Variants in TAF1B observed in about 807,000 individuals in gnomAD.
TAF1B encodes TATA box-binding protein-associated factor RNA polymerase I subunit B.
A neutral mutation model predicts 83.9 loss-of-function variants in TAF1B; 61 were observed. That is an observed-to-expected ratio of 0.73 (90% CI 0.59 to 0.90). The LOEUF is 0.90. Among genes scored for constraint, TAF1B ranks in the 40% least tolerant of loss-of-function variants. The pLI is 0.00. For missense variants in TAF1B, 625 were observed against 677.0 expected (o/e 0.92, Z 0.85); for synonymous variants, 221 against 224.6 (o/e 0.98, Z 0.14).
At chr2:9,854,746 T>A (rs1330307168) in intron 5 of TAF1B, among the ~76,000 whole-genome samples, 1 of 152,238 alleles carries the variant, frequency 6.6e-6, no homozygotes, top group East Asian at 1.9e-4. Flanking sequence ...AATTTAATAA[T>A]GTATTTATTC....
At chr2:9,869,797 G>A (rs996535843) in intron 6 of TAF1B, among the ~76,000 whole-genome samples, 4 of 151,822 alleles carry the variant, frequency 2.6e-5, no homozygotes, top group African/African-American at 7.3e-5. Flanking sequence ...TGCTTGAACC[G>A]GGAGGCAGAG....
intron 5 of TAF1B, among the ~76,000 whole-genome samples, chr2:9,861,153 G>A (rs556969599): frequency 9.6e-4 from 146 of 152,380 alleles, no homozygotes; most frequent in South Asian, 8.5e-3. Flanking sequence ...GCGAGGCATC[G>A]CCTCACCCGG....
intron 3 of TAF1B, among the ~76,000 whole-genome samples, chr2:9,850,173 T>G (rs1663341227): frequency 6.6e-6 from 1 of 152,186 alleles, no homozygotes; most frequent in Non-Finnish European, 1.5e-5. Context: ...AAAACCTGAT[T>G]AACTTTTAAA....
In TAF1B at chr2:9,914,604, T is replaced by C. The variant is rs188476202; in HGVS notation, c.1271+1355T>C. On this transcript the variant is annotated intron_variant, in intron 12 of 14. Transcript: ENST00000263663. The surrounding 1 kb of genome is among the most constrained non-coding windows in gnomAD (Gnocchi z 4.3). ...TAGCTCTTGGAGGCCCAGTTCATTATTGCAGTGTTATGTCAGTTGCACATT... is the reference window on the plus strand; with the variant it reads ...TAGCTCTTGGAGGCCCAGTTCATTACTGCAGTGTTATGTCAGTTGCACATT... Among the ~76,000 whole-genome samples, 5 of 152,314 alleles carry C rather than the reference T, an allele frequency of 3.3e-5. No homozygotes were observed. Among genetic ancestry groups the C allele is most frequent in the African/African-American group, 9.6e-5 (4 of 41,570 alleles).
At chr2:9,861,034 G>A (rs554396231) in intron 5 of TAF1B, among the ~76,000 whole-genome samples, 2 of 152,328 alleles carry the variant, frequency 1.3e-5, no homozygotes, top group South Asian at 2.1e-4. Flanking sequence ...CGCAGAAGAC[G>A]GGTGATTTCT....
intron 7 of TAF1B, among the ~76,000 whole-genome samples, chr2:9,877,407 A>C (rs2125152022): frequency 6.6e-6 from 1 of 152,296 alleles, no homozygotes; most frequent in East Asian, 1.9e-4. Context: ...CCAGAAGCCT[A>C]GGAATCATCC....
chr2:9,859,343 A>G (rs531933895), intron 5 of TAF1B, among the ~76,000 whole-genome samples: 46 of 151,728 alleles, frequency 3.0e-4, no homozygotes, highest in African/African-American at 1.1e-3. Context: ...TCTCCATCTG[A>G]AACCACTTCA....
At chr2:9,911,284 G>A (rs539975563) in intron 10 of TAF1B, among the ~76,000 whole-genome samples, 13 of 152,222 alleles carry the variant, frequency 8.5e-5, no homozygotes, top group African/African-American at 3.1e-4. Context: ...TGTTCTCAAA[G>A]ATTATTTTAG....
intron 3 of TAF1B, among the ~76,000 whole-genome samples, chr2:9,851,172 G>A (rs992135770): frequency 7.2e-5 from 11 of 152,046 alleles, no homozygotes; most frequent in African/African-American, 2.4e-4. Flanking sequence ...GGCATTGTTC[G>A]GGAAAATAGA....
At chr2:9,866,016 A>G (rs1249989788) in intron 5 of TAF1B, among the ~76,000 whole-genome samples, 1 of 152,050 alleles carries the variant, frequency 6.6e-6, no homozygotes, top group African/African-American at 2.4e-5. Flanking sequence ...CATTCAGGAC[A>G]TAGGCATGGG....
At chr2:9,920,222 C>T (rs1665829022) in intron 14 of TAF1B, among the ~76,000 whole-genome samples, 5 of 152,152 alleles carry the variant, frequency 3.3e-5, no homozygotes, top group Admixed American at 1.3e-4. Context: ...GTACAGTTAT[C>T]AAACTCAGGA....
In TAF1B at chr2:9,853,841, G is replaced by A. The variant is rs73913905; in HGVS notation, c.304-485G>A. Among the ~76,000 whole-genome samples, 963 of 152,298 alleles carry A rather than the reference G, an allele frequency of 6.3e-3. 15 individuals carry two copies. The highest frequency in any genetic ancestry group is 0.022 in the African/African-American group (922 of 41,550). ...AACAGCTTTGCCCCTAACTAAAAGTGTAGTCATGTATCAGTTGCTTTGTAC... is the reference window on the plus strand; with the variant it reads ...AACAGCTTTGCCCCTAACTAAAAGTATAGTCATGTATCAGTTGCTTTGTAC... On this transcript the variant is annotated intron_variant, in intron 4 of 14. Transcript: ENST00000263663.
chr2:9,855,056 G>A (rs1443245710), intron 5 of TAF1B, among the ~76,000 whole-genome samples: 5 of 152,046 alleles, frequency 3.3e-5, no homozygotes, highest in Non-Finnish European at 7.4e-5. Context: ...GTGCAATGGC[G>A]CCATCTTGGC....
chr2:9,897,991 C>T (rs1205607196), intron 8 of TAF1B, among the ~76,000 whole-genome samples: 1 of 151,264 alleles, frequency 6.6e-6, no homozygotes, highest in African/African-American at 2.4e-5. Flanking sequence ...CCCCACCCCG[C>T]CCCCAGCTAC....
intron 8 of TAF1B, among the ~76,000 whole-genome samples, chr2:9,885,397 C>T (rs1283810541): frequency 1.3e-5 from 2 of 152,202 alleles, no homozygotes; most frequent in Non-Finnish European, 2.9e-5. Context: ...AATTGATCCT[C>T]CACATGAAAA....
intron 1 of TAF1B, chr2:9,844,308 C>T (rs1360894054): frequency 6.6e-6 from 1 of 152,040 alleles, no homozygotes; most frequent in Non-Finnish European, 1.5e-5. Context: ...CACCACCAAG[C>T]CCGGCTAATT....
At chr2:9,908,214 TTTTTGTATC>T (rs1665411069) in intron 9 of TAF1B, among the ~76,000 whole-genome samples, 1 of 150,132 alleles carries the variant, frequency 6.7e-6, no homozygotes, top group African/African-American at 2.5e-5. Flanking sequence ...CCTGGCTAAT[TTTTTGTATC>T]TTTAGTAGAG....
intron 4 of TAF1B, among the ~76,000 whole-genome samples, 189 bp from the exon 5 acceptor site, chr2:9,854,137 A>G (rs371939061): frequency 2.7e-4 from 41 of 152,286 alleles, no homozygotes; most frequent in East Asian, 7.7e-4. Flanking sequence ...GTGGAACTCA[A>G]TGTTCTGATA....
chr2:9,855,069 A>C (rs2125137408), intron 5 of TAF1B, among the ~76,000 whole-genome samples: 1 of 152,220 alleles, frequency 6.6e-6, no homozygotes, highest in East Asian at 1.9e-4. Context: ...ATCTTGGCTC[A>C]CTGCAACCTC....
Sources: allele counts gnomAD v4.1 joint callset (sites outside exome capture counted in the v4.1 genomes callset), GRCh38; gene constraint gnomAD v4.1.1; non-coding constraint Gnocchi (gnomAD v3.1); transcripts MANE v1.5; gene names NCBI Gene and HGNC (gene_info 2026-07-23, HGNC 2026-07-21).